Variants in SVEP1 observed in about 807,000 individuals in gnomAD.
The protein encoded by SVEP1 is sushi, von Willebrand factor type A, EGF and pentraxin domain containing 1, also known as sushi, von Willebrand factor type A, EGF and pentraxin domain-containing protein 1.
SVEP1 carries 164 observed loss-of-function variants against 367.3 expected under a neutral mutation model. That is an observed-to-expected ratio of 0.45 (90% confidence interval 0.39 to 0.51). SVEP1 has a LOEUF of 0.51. SVEP1 is among the 20% of genes least tolerant of loss of function. The pLI is 0.00. For synonymous variants in SVEP1, 1,666 were observed against 1,611.6 expected, an observed-to-expected ratio of 1.03 and a Z score of -0.81; for missense variants, 4,117 against 4,425.3, an observed-to-expected ratio of 0.93 and a Z score of 1.98.
At position 110,509,931 on chromosome 9, in the gene SVEP1, TG is replaced by T. The variant is rs201715221; in HGVS notation, c.1303+2994del. ...TTGTATTGTGACAAGTTAGTTACATTGGGAAATATGTTTGCCAGAATCCCTT... is the reference window on the plus strand; with the variant it reads ...TTGTATTGTGACAAGTTAGTTACATTGGAAATATGTTTGCCAGAATCCCTT... On this transcript the variant is annotated intron_variant, in intron 5 of 47. Coordinates refer to ENST00000374469, the MANE Select transcript of SVEP1 (RefSeq NM_153366.4). 2.1e-3 allele frequency among the ~76,000 whole-genome samples: 315 copies of T among 152,320 alleles called. 9 individuals carry two copies. In the East Asian group the frequency reaches 0.056, roughly 27 times the overall value.
At position 110,404,415 on chromosome 9, in the gene SVEP1, T is replaced by C. The variant is rs754163962; in HGVS notation, c.9578A>G (p.His3193Arg). ...LPENITHILV[H>R]GDDFSVNRQV... ...CCTATTCACACTGAAATCGTCCCCA[T>C]GTACAAGTATATGTGTTATGTTTTC... The change falls in exon 39 of 48, where the codon CAT (histidine) becomes CGT (arginine). Residue 3193 changes from histidine to arginine, a missense_variant. Physicochemically the swap from His to Arg is conservative, Grantham distance 29 (BLOSUM62 0). This residue lies in a region of SVEP1 where 1,765 missense variants were observed against 1,781.1 expected (regional missense o/e 0.99). Coordinates refer to ENST00000374469, the MANE Select transcript of SVEP1 (RefSeq NM_153366.4). 1.9e-6 allele frequency: 3 copies of C among 1,613,884 alleles called. No individual in the cohort carries two copies. The highest frequency in any genetic ancestry group is 1.3e-5 in the African/African-American group (1 of 74,938).
rs973777814 is a variant in SVEP1, at chr9:110,534,869, C to CT, written c.964+11245dup. ...CTTTGCCCATGTTTTAATGGGGTTG[C>CT]TTTTTTTCTTGTAAATTTGTTTAAG... On this transcript the variant is annotated intron_variant, in intron 3 of 47. Transcript: ENST00000374469. Among the ~76,000 whole-genome samples, 34 of 151,614 alleles carry CT rather than the reference C, an allele frequency of 2.2e-4. 2 individuals are homozygous for CT. The highest frequency in any genetic ancestry group is 7.4e-5 in the Non-Finnish European group (5 of 67,764).
chr9:110,474,089 C>G (rs1030607735), intron 14 of SVEP1, among the ~76,000 whole-genome samples: 17 of 152,282 alleles, frequency 1.1e-4, no homozygotes, highest in African/African-American at 3.1e-4. Flanking sequence ...CCACTTCCCC[C>G]TCCCGGGTTC....
chr9:110,439,615 G>T (rs1324734575), intron 27 of SVEP1, among the ~76,000 whole-genome samples: 2 of 151,964 alleles, frequency 1.3e-5, no homozygotes, highest in Non-Finnish European at 2.9e-5. Context: ...GGCCAAGCTG[G>T]TCTTGAACTC....
intron 24 of SVEP1, 51 bp from the exon 25 acceptor site, chr9:110,447,108 C>A: frequency 7.5e-7 from 1 of 1,331,246 alleles, no homozygotes; most frequent in Non-Finnish European, 9.6e-7. Flanking sequence ...AGGAAGTCTC[C>A]CATTTATGAT....
intron 37 of SVEP1, among the ~76,000 whole-genome samples, chr9:110,409,233 C>A (rs1324913678): frequency 6.6e-6 from 1 of 151,994 alleles, no homozygotes; most frequent in Non-Finnish European, 1.5e-5. Flanking sequence ...GTTAGGAGTT[C>A]GAGACCAGCC....
Position 110,436,428 on chromosome 9 carries a change from G to A in SVEP1, c.4716C>T (p.Gly1572=). 1.2e-6 allele frequency: 2 copies of A among 1,613,956 alleles called. No homozygotes were observed. Among genetic ancestry groups the A allele is most frequent in the Non-Finnish European group, 1.7e-6 (2 of 1,179,858 alleles). Residue 1572 remains glycine, a synonymous_variant, in exon 28 of 48, where the codon GGC becomes GGT. Coordinates refer to ENST00000374469, the MANE Select transcript of SVEP1 (RefSeq NM_153366.4). ...CCCAGAGGTTGAGCTGGCTTATGGA[G>A]CCCACAAAAGACTCAGCTGGGCTGA... is the stretch of plus-strand genomic sequence containing the variant. The part of the protein sequence containing the change: ...EGFSPAESFV[G]SISQLNLWDY...
At chr9:110,498,283 C>A (rs1239585816) in intron 7 of SVEP1, among the ~76,000 whole-genome samples, 3 of 152,192 alleles carry the variant, frequency 2.0e-5, no homozygotes, top group Non-Finnish European at 4.4e-5. Context: ...AGGATTAAGC[C>A]ATTCTCTAGC....
intron 14 of SVEP1, among the ~76,000 whole-genome samples, chr9:110,472,935 T>A (rs901816971): frequency 5.3e-5 from 8 of 152,296 alleles, no homozygotes; most frequent in South Asian, 4.1e-4. Context: ...GATTGTGGCT[T>A]CTCGATGTAG....
chr9:110,375,314 C>G (rs1036622487), intron 46 of SVEP1, 54 bp downstream of exon 46: 7 of 1,457,462 alleles, frequency 4.8e-6, no homozygotes, highest in Non-Finnish European at 6.5e-6. Flanking sequence ...TCAATGTCCT[C>G]TGGAGTTTCA....
rs1437854813 is a variant in SVEP1, at chr9:110,406,642, T to C, written c.8958A>G (p.Ser2986=). ...AGGAGCCATTGGAGAGGCACCTTCTTGATGAATTTCCATGGAGCTTATAAC... is the reference window on the plus strand; with the variant it reads ...AGGAGCCATTGGAGAGGCACCTTCTCGATGAATTTCCATGGAGCTTATAAC... ...FPGYKLHGNS[S]RRCLSNGSWS... is the part of the protein sequence containing the mutation. The change falls in exon 38 of 48, where the codon TCA becomes TCG. Residue 2986 remains serine, a synonymous_variant. Coordinates refer to ENST00000374469, the MANE Select transcript of SVEP1 (RefSeq NM_153366.4). The C allele has an allele frequency of 2.5e-6, 4 of 1,613,964 alleles. No individual in the cohort carries two copies. Among genetic ancestry groups the C allele is most frequent in the Non-Finnish European group, 3.4e-6 (4 of 1,179,890 alleles).
At position 110,503,138 on chromosome 9, in the gene SVEP1, T is replaced by C. The variant is rs768354007; in HGVS notation, c.1383A>G (p.Thr461=). 5 of 1,613,484 alleles carry C rather than the reference T, an allele frequency of 3.1e-6. No individual in the cohort carries two copies. The highest frequency in any genetic ancestry group is 2.5e-6 in the Non-Finnish European group (3 of 1,179,518). The change falls in exon 6 of 48, where the codon ACA becomes ACG. Residue 461 remains threonine, a synonymous_variant. Coordinates refer to ENST00000374469, the MANE Select transcript of SVEP1 (RefSeq NM_153366.4). The part of the protein sequence containing the change: ...CSTREMLYKT[T]CLVACDEGYR... Reference sequence around the variant, plus strand: ...ACCCTTCATCACAGGCAACCAAACATGTTGTCTTATATAACATTTCCCTTG... The same window carrying C: ...ACCCTTCATCACAGGCAACCAAACACGTTGTCTTATATAACATTTCCCTTG...
chr9:110,465,782 T>C, intron 18 of SVEP1, 83 bp downstream of exon 18: 2 of 1,481,462 alleles, frequency 1.4e-6, no homozygotes, highest in East Asian at 2.4e-5. Context: ...AGTAGATGTA[T>C]GTTTTTGCAG....
rs1473758601 is a variant in SVEP1, at chr9:110,408,552, T to C, written c.7048A>G (p.Lys2350Glu). The C allele has an allele frequency of 1.2e-6, 2 of 1,613,770 alleles. No individual in the cohort carries two copies. Among genetic ancestry groups the C allele is most frequent in the Non-Finnish European group, 1.7e-6 (2 of 1,179,866 alleles). Residue 2350 changes from lysine to glutamate, a missense_variant, in exon 38 of 48, where the codon AAA becomes GAA. Lys to Glu is a moderately conservative substitution (Grantham distance 56). Around this residue, in one of 4 missense-constraint regions of SVEP1, gnomAD observed 1,765 missense variants for 1,781.1 expected, o/e 0.99. Transcript: ENST00000374469. ...TEVGVVTFSC[K>E]EGHVLQGPSV... is the part of the protein sequence containing the mutation. ...GGGCCTTGCAGGACATGCCCTTCTT[T>C]ACAGGAAAATGTCACAACTCCTACC... is the stretch of plus-strand genomic sequence containing the variant.
intron 36 of SVEP1, among the ~76,000 whole-genome samples, chr9:110,423,155 TA>T (rs1181321402): frequency 3.5e-5 from 2 of 56,530 alleles, no homozygotes; most frequent in East Asian, 4.2e-4. Flanking sequence ...AATAAAAAAA[TA>T]AAAAAATAAA....
At chr9:110,558,012 ATTAAC>A (rs149801463) in intron 1 of SVEP1, among the ~76,000 whole-genome samples, 5,626 of 152,258 alleles carry the variant, frequency 0.037, 168 homozygotes, top group Middle Eastern at 0.065. Flanking sequence ...TTTAATTTTA[ATTAAC>A]TTAAATTTAA....
At chr9:110,537,627 G>A (rs1258136278) in intron 3 of SVEP1, among the ~76,000 whole-genome samples, 1 of 151,866 alleles carries the variant, frequency 6.6e-6, no homozygotes, top group Non-Finnish European at 1.5e-5. Flanking sequence ...AAAATAAGAA[G>A]CCAGCAAAAT....
rs561817904 is a variant in SVEP1 at position 110,570,147 on chromosome 9, A to C, written c.531+8866T>G. Reference sequence around the variant, plus strand: ...AAGCGGACTCTGACTCTATGCCGGCAATCCAGTCTTCATATGGTCTGGAGA... The same window carrying C: ...AAGCGGACTCTGACTCTATGCCGGCCATCCAGTCTTCATATGGTCTGGAGA... On this transcript the variant is annotated intron_variant, in intron 1 of 47. Coordinates refer to ENST00000374469, the MANE Select transcript of SVEP1 (RefSeq NM_153366.4). Among the ~76,000 whole-genome samples the C allele has an allele frequency of 1.2e-4, 19 of 152,318 alleles. No homozygotes were observed. In the South Asian group the frequency reaches 3.9e-3, roughly 32 times the overall value.
chr9:110,512,133 G>A (rs1829727810), intron 5 of SVEP1, among the ~76,000 whole-genome samples: 1 of 152,174 alleles, frequency 6.6e-6, no homozygotes, highest in South Asian at 2.1e-4. Context: ...CTGGCATCCT[G>A]TGTTTCAACT....
Sources: allele counts gnomAD v4.1 joint callset (sites outside exome capture counted in the v4.1 genomes callset), GRCh38; gene constraint gnomAD v4.1.1; regional missense constraint gnomAD v4.1.1; transcripts MANE v1.5; gene names NCBI Gene and HGNC (gene_info 2026-07-23, HGNC 2026-07-21).